CHD9: variants seen among roughly 807,000 people sequenced by gnomAD.
The protein encoded by CHD9 is ATP-dependent chromatin remodeler CHD9.
A neutral mutation model predicts 316.1 loss-of-function variants in CHD9; 77 were observed. The ratio of observed to expected loss-of-function variants is 0.24; its 90% CI spans 0.20 to 0.29. The LOEUF (loss-of-function observed/expected upper bound fraction) is 0.29, where lower values mean the gene tolerates loss of function less well. CHD9 is among the 10% of genes least tolerant of loss of function. The pLI is 1.00. For missense variants in CHD9, 2,763 were observed against 3,438.1 expected, an observed-to-expected ratio of 0.80 and a Z score of 4.91; for synonymous variants, 1,129 against 1,158.3, an observed-to-expected ratio of 0.97 and a Z score of 0.51.
chr16:53,142,238 GTACT>G (rs1174327266), intron 1 of CHD9, among the ~76,000 whole-genome samples: 1 of 152,070 alleles, frequency 6.6e-6, no homozygotes, highest in Non-Finnish European at 1.5e-5. Context: ...TAATTTTTGA[GTACT>G]TACTATGTTT....
chr16:53,071,696 G>T (rs1037190574), intron 1 of CHD9, among the ~76,000 whole-genome samples: 2 of 152,172 alleles, frequency 1.3e-5, no homozygotes, highest in Non-Finnish European at 2.9e-5. Context: ...AGCTGCAGAA[G>T]AAAGAGAGCC....
At chr16:53,153,104 G>A (rs529713719) in intron 1 of CHD9, among the ~76,000 whole-genome samples, 58 of 152,292 alleles carry the variant, frequency 3.8e-4, no homozygotes, top group African/African-American at 1.4e-3. Flanking sequence ...CTTGTATTTC[G>A]TTATGTGAAG....
At position 53,291,751 on chromosome 16, in the gene CHD9, T is replaced by C; in HGVS notation, c.5274T>C (p.Leu1758=). ...ATGATGTTTCCTCACCAGGAGATCT[T>C]GTTATAGCAGATGGAGGTAAATTGC... The part of the protein sequence containing the change: ...IEDDVSSPGD[L]VIADGDGQLM... The change falls in exon 28 of 39, where the codon CTT becomes CTC. Residue 1758 remains leucine (L), a synonymous_variant. Coordinates refer to ENST00000447540, the MANE Select transcript of CHD9 (RefSeq NM_001308319.2). 6.4e-7 allele frequency: 1 copy of C among 1,563,252 alleles called. No individual in the cohort carries two copies. Among genetic ancestry groups the C allele is most frequent in the Non-Finnish European group, 8.6e-7 (1 of 1,161,648 alleles).
intron 1 of CHD9, among the ~76,000 whole-genome samples, chr16:53,095,507 C>A (rs1027898648): frequency 3.3e-5 from 5 of 151,906 alleles, no homozygotes; most frequent in African/African-American, 1.2e-4. Flanking sequence ...CATGATAGTG[C>A]CACTGCACTC....
At chr16:53,109,007 A>G (rs1271823790) in intron 1 of CHD9, among the ~76,000 whole-genome samples, 8 of 152,220 alleles carry the variant, frequency 5.3e-5, no homozygotes, top group Non-Finnish European at 2.9e-5. Flanking sequence ...GAGGGGGTGT[A>G]TCTGGGGATA....
intron 1 of CHD9, among the ~76,000 whole-genome samples, chr16:53,150,604 T>G (rs1440229625): frequency 3.3e-5 from 5 of 152,216 alleles, no homozygotes; most frequent in Non-Finnish European, 7.3e-5. Flanking sequence ...TTCAAGATAC[T>G]CTCTAGTGTC....
chr16:53,206,543 C>A (rs1010990608), intron 2 of CHD9, among the ~76,000 whole-genome samples: 1 of 152,098 alleles, frequency 6.6e-6, no homozygotes, highest in Non-Finnish European at 1.5e-5. Flanking sequence ...TTAATCCCTG[C>A]TCCACTATTC....
rs1044583809 is a variant in CHD9 at position 53,138,572 on chromosome 16, C to A, written c.-164-17354C>A. On this transcript the variant is annotated intron_variant, in intron 1 of 38. Coordinates refer to ENST00000447540, the MANE Select transcript of CHD9 (RefSeq NM_001308319.2). ...TTAATTGAACTGAGTTCAGAAGATT[C>A]TTAAAGCACTCAAAGCCTAAGTGGT... 3.3e-5 allele frequency among the ~76,000 whole-genome samples: 5 copies of A among 152,192 alleles called. No individual in the cohort carries two copies. The East Asian group carries it at 9.6e-4, about 29-fold the overall frequency.
chr16:53,288,227 G>A (rs527901701), intron 27 of CHD9, among the ~76,000 whole-genome samples: 95 of 152,308 alleles, frequency 6.2e-4, no homozygotes, highest in African/African-American at 2.1e-3. Context: ...ATGGGGGCTG[G>A]CTTGGACATG....
chr16:53,278,850 C>T (rs1476274417), intron 24 of CHD9, among the ~76,000 whole-genome samples: 1 of 152,112 alleles, frequency 6.6e-6, no homozygotes, highest in Non-Finnish European at 1.5e-5. Flanking sequence ...ATTAAAAAGT[C>T]AGGAAACAAC....
At chr16:53,267,229 T>C (rs2051785298) in intron 20 of CHD9, 65 bp from the exon 21 acceptor site, 3 of 1,043,530 alleles carry the variant, frequency 2.9e-6, no homozygotes, top group African/African-American at 1.6e-5. Context: ...AAGGTAAAAA[T>C]GTAGAACACT....
chr16:53,125,911 A>T (rs11864676), intron 1 of CHD9, among the ~76,000 whole-genome samples: 43,821 of 152,122 alleles, frequency 0.29, 6,434 homozygotes, highest in African/African-American at 0.3. Flanking sequence ...AGCATCTGTA[A>T]TTTATTTGCA....
rs776654373 is a variant in CHD9, at chr16:53,285,576, A to G, written c.4968-20A>G. The G allele has an allele frequency of 2.0e-6, 3 of 1,473,400 alleles. No homozygotes were observed. The highest frequency in any genetic ancestry group is 2.3e-5 in the East Asian group (1 of 42,612). 91.3% of individuals were successfully genotyped at this position (1,473,400 alleles called of 1,614,324 possible). A position where few individuals can be genotyped will look rare whatever the true frequency, so the allele number is the denominator to read the frequency against. Reference sequence around the variant, plus strand: ...CTCATTTATAATAATTCATAATGCCATATTATGATTTTTTTAAAGTGACAT... The same window carrying G: ...CTCATTTATAATAATTCATAATGCCGTATTATGATTTTTTTAAAGTGACAT... On this transcript the variant is annotated intron_variant, in intron 24 of 38. Transcript: ENST00000447540.
intron 30 of CHD9, among the ~76,000 whole-genome samples, chr16:53,302,355 A>G (rs1005964735): frequency 6.6e-6 from 1 of 152,110 alleles, no homozygotes; most frequent in Non-Finnish European, 1.5e-5. Context: ...AGCTTGTCTT[A>G]TGTTGTTACA....
chr16:53,233,525 T>C (rs1209405806), intron 10 of CHD9, among the ~76,000 whole-genome samples: 1 of 152,182 alleles, frequency 6.6e-6, no homozygotes, highest in Admixed American at 6.5e-5. Context: ...TGGGTTTTTA[T>C]GGAGTCTTCA....
intron 1 of CHD9, among the ~76,000 whole-genome samples, chr16:53,060,781 C>A (rs927823360): frequency 3.3e-5 from 5 of 151,800 alleles, no homozygotes; most frequent in Admixed American, 6.6e-5. Flanking sequence ...ATTAGCTGGG[C>A]ATGGTGGCAT....
Position 53,263,105 on chromosome 16 carries a change from T to C in CHD9, c.4320+8T>C. ...GAGGCCATCAGTGGCAGAGTAAGTA[T>C]TTTTATCCCTCTAAAATAAACTTGC... On this transcript the variant is annotated splice_region_variant and intron_variant, in intron 20 of 38. Transcript: ENST00000447540. 1 of 1,588,516 alleles carries C rather than the reference T, an allele frequency of 6.3e-7. No homozygotes were observed. Among genetic ancestry groups the C allele is most frequent in the Non-Finnish European group, 8.6e-7 (1 of 1,159,514 alleles).
At chr16:53,283,964 C>T (rs1486659588) in intron 24 of CHD9, among the ~76,000 whole-genome samples, 1 of 152,038 alleles carries the variant, frequency 6.6e-6, no homozygotes, top group African/African-American at 2.4e-5. Flanking sequence ...ATTTCCTTTT[C>T]ACTGCCATTG....
chr16:53,242,608 G>C (rs1448090719), intron 12 of CHD9, among the ~76,000 whole-genome samples: 1 of 151,890 alleles, frequency 6.6e-6, no homozygotes, highest in Non-Finnish European at 1.5e-5. Context: ...ATACTTATTA[G>C]GATACAATTA....
Sources: gnomAD v4.1 joint callset for allele counts (sites outside exome capture counted in the v4.1 genomes callset) on GRCh38, gnomAD v4.1.1 for gene constraint, MANE v1.5 for transcripts, NCBI Gene and HGNC (gene_info 2026-07-23, HGNC 2026-07-21) for gene names.